The following UAP1L1 variants were observed in gnomAD, a reference collection of about 807,000 sequenced individuals.
UAP1L1 encodes the protein UDP-N-acetylglucosamine pyrophosphorylase 1 like 1.
UAP1L1 carries 45 observed loss-of-function variants against 45.3 expected under a neutral mutation model. The ratio of observed to expected loss-of-function variants is 0.99; its 90% CI spans 0.78 to 1.27. UAP1L1 has a LOEUF of 1.27. UAP1L1 is among the 50% of genes most tolerant of loss of function. The pLI, the probability that UAP1L1 is intolerant of heterozygous loss-of-function variation, is 0.00. For synonymous variants in UAP1L1, 323 were observed against 303.9 expected (o/e 1.06, Z -0.65); for missense variants, 667 against 694.0 (o/e 0.96, Z 0.44).
intron 6 of UAP1L1, 141 bp downstream of exon 6, chr9:137,080,283 G>A (rs1441400906): frequency 8.9e-7 from 1 of 1,126,836 alleles, no homozygotes; most frequent in Non-Finnish European, 1.3e-6. Context: ...AGACCAGAGG[G>A]TGCTCTTGGC....
Position 137,082,232 on chromosome 9 carries a change from G to A in UAP1L1, c.1431+168G>A, listed in dbSNP as rs928451351. 1.4e-5 allele frequency: 10 copies of A among 702,002 alleles called. No individual in the cohort carries two copies. Among genetic ancestry groups the A allele is most frequent in the African/African-American group, 8.8e-5 (5 of 56,684 alleles). The allele number at this position is 702,002 out of a possible 1,614,324, so 43.5% of individuals were successfully genotyped here. Reference sequence around the variant, plus strand: ...TTTCCAAGATATGGGTTGGGGTGGGGTGAGGCATCCAGAGGCCTTTGCAGG... The same window carrying A: ...TTTCCAAGATATGGGTTGGGGTGGGATGAGGCATCCAGAGGCCTTTGCAGG... On this transcript the variant is annotated intron_variant, in intron 8 of 8. Coordinates refer to ENST00000409858, the MANE Select transcript of UAP1L1 (RefSeq NM_207309.3). The surrounding 1 kb of genome is among the most constrained non-coding windows in gnomAD (Gnocchi z 5.7).
At chr9:137,079,818 A>G (rs1010447991) in intron 5 of UAP1L1, 184 bp from the exon 6 acceptor site, 1 of 692,406 alleles carries the variant, frequency 1.4e-6, no homozygotes, top group Non-Finnish European at 2.4e-6. Context: ...ACAGGGATGC[A>G]GGGAGGAGGC....
At chr9:137,079,859 C>T in intron 5 of UAP1L1, 143 bp from the exon 6 acceptor site, 1 of 976,436 alleles carries the variant, frequency 1.0e-6, no homozygotes, top group Admixed American at 2.3e-5. Context: ...AGATCTGGCC[C>T]TACTCTGCCG....
chr9:137,080,673 G>GC lies in UAP1L1; in HGVS notation c.1179-13dup. 6.2e-7 allele frequency: 1 copy of GC among 1,601,530 alleles called. No homozygotes were observed. The highest frequency in any genetic ancestry group is 2.2e-5 in the East Asian group (1 of 44,730). ...CTCTGTGCTGGGACGTGGGTGACTAGCCCTTTCCCCACCAGGAACTTTGCT... is the reference window on the plus strand; with the variant it reads ...CTCTGTGCTGGGACGTGGGTGACTAGCCCCTTTCCCCACCAGGAACTTTGCT... On this transcript the variant is annotated splice_polypyrimidine_tract_variant and intron_variant, in intron 6 of 8. Transcript: ENST00000409858.
chr9:137,078,905 G>C, intron 3 of UAP1L1, 71 bp from the exon 4 acceptor site: 1 of 1,511,972 alleles, frequency 6.6e-7, no homozygotes, highest in East Asian at 2.3e-5. Context: ...CCCGCCTCCA[G>C]CACGTCCTAG....
At position 137,082,426 on chromosome 9, in the gene UAP1L1, G is replaced by A; in HGVS notation, c.1432-211G>A. On this transcript the variant is annotated intron_variant, in intron 8 of 8. Coordinates refer to ENST00000409858, the MANE Select transcript of UAP1L1 (RefSeq NM_207309.3). The surrounding 1 kb of genome is among the most constrained non-coding windows in gnomAD (Gnocchi z 5.7). ...GGTCAGACCTGTGCGTGACAGGAGG[G>A]TCCCCTGCTGGCCTAGGGTCTTGAG... The A allele has an allele frequency of 1.7e-6, 1 of 593,804 alleles. No individual in the cohort carries two copies. Among genetic ancestry groups the A allele is most frequent in the Non-Finnish European group, 3.0e-6 (1 of 332,416 alleles). The allele number at this position is 593,804 out of a possible 1,614,324, so 36.8% of individuals were successfully genotyped here.
In UAP1L1 at chr9:137,079,401, A is replaced by G. The variant is rs930783646; in HGVS notation, c.989A>G (p.Asn330Ser). The G allele has an allele frequency of 6.2e-7, 1 of 1,605,136 alleles. No individual in the cohort carries two copies. Among genetic ancestry groups the G allele is most frequent in the Non-Finnish European group, 8.5e-7 (1 of 1,174,156 alleles). ...SDGSLLYNAG[N>S]ICNHFFTRGF... Reference sequence around the variant, plus strand: ...GGGAGCCTGCTGTACAATGCAGGCAACATCTGCAACCACTTCTTCACCCGA... The same window carrying G: ...GGGAGCCTGCTGTACAATGCAGGCAGCATCTGCAACCACTTCTTCACCCGA... Residue 330 changes from asparagine (N) to serine (S), a missense_variant, in exon 5 of 9, where the codon AAC becomes AGC. Transcript: ENST00000409858.
chr9:137,078,210 G>A lies in UAP1L1; in HGVS notation c.450G>A (p.Glu150=), dbSNP rs1275674961. ...QLQAERIRRV[E]QLAGERHGTR... ...AGGCGGAGCGGATTCGGCGGGTGGA[G>A]CAGCTGGCCGGTGAGCGCCACGGGA... The change falls in exon 2 of 9, where the codon GAG becomes GAA. Residue 150 remains glutamate, a synonymous_variant. Coordinates refer to ENST00000409858, the MANE Select transcript of UAP1L1 (RefSeq NM_207309.3). 3 of 1,548,214 alleles carry A rather than the reference G, an allele frequency of 1.9e-6. No individual in the cohort carries two copies. In the Admixed American group the frequency reaches 5.9e-5, roughly 30 times the overall value.
rs944943864 is a variant in UAP1L1, at chr9:137,079,129, G to T, written c.824G>T (p.Gly275Val). The change falls in exon 4 of 9, where the codon GGC (glycine) becomes GTC (valine). Residue 275 changes from glycine (G) to valine (V), a missense_variant. Transcript: ENST00000409858. ...TTCATCGGCTTCTGTGTGTTGCAGGGCGCAGACTGTGGCGCCAAGGTTAGC... is the reference window on the plus strand; with the variant it reads ...TTCATCGGCTTCTGTGTGTTGCAGGTCGCAGACTGTGGCGCCAAGGTTAGC... Reference protein sequence around the residue: ...PVFIGFCVLQGADCGAKVVEK... With the variant: ...PVFIGFCVLQVADCGAKVVEK... 1.2e-6 allele frequency: 2 copies of T among 1,611,262 alleles called. No individual in the cohort carries two copies. The highest frequency in any genetic ancestry group is 1.3e-5 in the African/African-American group (1 of 74,976).
Position 137,079,033 on chromosome 9 carries a change from A to G in UAP1L1, c.728A>G (p.Glu243Gly), listed in dbSNP as rs1393028201. The G allele has an allele frequency of 1.2e-6, 2 of 1,605,620 alleles. No homozygotes were observed. Among genetic ancestry groups the G allele is most frequent in the African/African-American group, 2.7e-5 (2 of 74,638 alleles). ...LEDHKILEDM[E>G]RRGVEFVHVY... ...GACCACAAGATCCTGGAGGACATGGAGCGCCGGGGAGTGGAGTTTGTGCAC... is the reference window on the plus strand; with the variant it reads ...GACCACAAGATCCTGGAGGACATGGGGCGCCGGGGAGTGGAGTTTGTGCAC... Residue 243 changes from glutamate to glycine, a missense_variant, in exon 4 of 9, where the codon GAG becomes GGG. Coordinates refer to ENST00000409858, the MANE Select transcript of UAP1L1 (RefSeq NM_207309.3).
Position 137,082,773 on chromosome 9 carries a change from C to T in UAP1L1, c.*44C>T, listed in dbSNP as rs536412154. The T allele has an allele frequency of 1.1e-3, 1,661 of 1,495,126 alleles. 31 individuals carry two copies. In the South Asian group the frequency reaches 0.019, roughly 17 times the overall value. 92.6% of individuals were successfully genotyped at this position (1,495,126 alleles called of 1,614,324 possible). A position where few individuals can be genotyped will look rare whatever the true frequency, so the allele number is the denominator to read the frequency against. On this transcript the variant is annotated 3_prime_UTR_variant, in exon 9 of 9. Transcript: ENST00000409858. This position sits in a 1 kb window ranked among gnomAD's most constrained non-coding sequence, Gnocchi z 5.7. ...AGACTCCCCCGAGACCTGCCAGCCC[C>T]GGCATCCTGGAAGTCCCGACTCCCC...
Position 137,078,078 on chromosome 9 carries a change from G to T in UAP1L1, c.318G>T (p.Val106=), listed in dbSNP as rs980760955. Residue 106 remains valine (V), a synonymous_variant, in exon 2 of 9, where the codon GTG becomes GTT. Coordinates refer to ENST00000409858, the MANE Select transcript of UAP1L1 (RefSeq NM_207309.3). Reference sequence around the variant, plus strand: ...TCCGTCAGATTTCTCTGAACAAGGTGGCCGTCCTGCTGCTGGCTGGGGGGC... The same window carrying T: ...TCCGTCAGATTTCTCTGAACAAGGTTGCCGTCCTGCTGCTGGCTGGGGGGC... The part of the protein sequence containing the change: ...EGFRQISLNK[V]AVLLLAGGQG... 20 of 1,549,950 alleles carry T rather than the reference G, an allele frequency of 1.3e-5. No individual in the cohort carries two copies. The highest frequency in any genetic ancestry group is 1.7e-5 in the Non-Finnish European group (19 of 1,146,912).
chr9:137,082,151 G>A lies in UAP1L1; in HGVS notation c.1431+87G>A, dbSNP rs1000204173. 22 of 1,287,138 alleles carry A rather than the reference G, an allele frequency of 1.7e-5. No individual in the cohort carries two copies. In the African/African-American group the frequency reaches 1.8e-4, roughly 10 times the overall value. 79.7% of individuals were successfully genotyped at this position (1,287,138 alleles called of 1,614,324 possible). On this transcript the variant is annotated intron_variant, in intron 8 of 8. Coordinates refer to ENST00000409858, the MANE Select transcript of UAP1L1 (RefSeq NM_207309.3). This position sits in a 1 kb window ranked among gnomAD's most constrained non-coding sequence, Gnocchi z 5.7. ...GAGAGGTGGCTGCTCGGGTGGAGACGGCACAGCTCTACCTCGGTTAACCAA... is the reference window on the plus strand; with the variant it reads ...GAGAGGTGGCTGCTCGGGTGGAGACAGCACAGCTCTACCTCGGTTAACCAA...
At chr9:137,078,728 G>A in intron 3 of UAP1L1, 51 bp downstream of exon 3, 6 of 1,559,920 alleles carry the variant, frequency 3.8e-6, no homozygotes, top group South Asian at 1.2e-5. Flanking sequence ...AGAACTGGGA[G>A]CGTAGTTGGG....
At chr9:137,080,385 A>G (rs534620639) in intron 6 of UAP1L1, 2 of 595,188 alleles carry the variant, frequency 3.4e-6, no homozygotes, top group African/African-American at 1.9e-5. Context: ...CGGACCTTCC[A>G]CTGCCCCCAC....
At chr9:137,078,736 G>A (rs1832737969) in intron 3 of UAP1L1, 59 bp downstream of exon 3, 2 of 1,533,452 alleles carry the variant, frequency 1.3e-6, no homozygotes, top group Admixed American at 3.9e-5. Context: ...GAGCGTAGTT[G>A]GGGGTCCACG....
intron 5 of UAP1L1, 34 bp downstream of exon 5, chr9:137,079,483 C>T (rs770593667): frequency 6.4e-7 from 1 of 1,556,666 alleles, no homozygotes; most frequent in Admixed American, 1.8e-5. Context: ...GATTGCCGGC[C>T]AGAGCCGCCT....
Position 137,083,672 on chromosome 9 carries a change from T to A in UAP1L1, c.*943T>A, listed in dbSNP as rs888829946. On this transcript the variant is annotated 3_prime_UTR_variant, in exon 9 of 9. Transcript: ENST00000409858. ...CCGAGTGAGGACGCAGCCTCCATAT[T>A]TGGTGCACTCAGGCATGGCTGGGAC... The A allele has an allele frequency of 5.9e-5, 9 of 152,246 alleles. No individual in the cohort carries two copies. Among genetic ancestry groups the A allele is most frequent in the Admixed American group, 5.9e-4 (9 of 15,284 alleles). 9.4% of individuals were successfully genotyped at this position (152,246 alleles called of 1,614,324 possible).
Position 137,080,862 on chromosome 9 carries a change from C to A in UAP1L1, c.1352C>A (p.Pro451Gln), listed in dbSNP as rs772404321. The A allele has an allele frequency of 6.3e-7, 1 of 1,596,338 alleles. No homozygotes were observed. Among genetic ancestry groups the A allele is most frequent in the South Asian group, 1.1e-5 (1 of 90,496 alleles). Residue 451 changes from proline (P) to glutamine (Q), a missense_variant, in exon 7 of 9, where the codon CCA (proline) becomes CAA (glutamine). Pro to Gln is a moderately conservative substitution (Grantham distance 76, BLOSUM62 -1). Coordinates refer to ENST00000409858, the MANE Select transcript of UAP1L1 (RefSeq NM_207309.3). ...RFLDAHGAWL[P>Q]ELPSLPPNGD... ...CTGGATGCCCATGGGGCCTGGCTCCCAGAGCTGCCCAGGTGAGTGTGGCCC... is the reference window on the plus strand; with the variant it reads ...CTGGATGCCCATGGGGCCTGGCTCCAAGAGCTGCCCAGGTGAGTGTGGCCC...
Sources: gnomAD v4.1 joint callset for allele counts on GRCh38, gnomAD v4.1.1 for gene constraint, Gnocchi (gnomAD v3.1) non-coding constraint, MANE v1.5 for transcripts, NCBI Gene and HGNC (gene_info 2026-07-23, HGNC 2026-07-21) for gene names.